The following CYP19A1 variants were observed in gnomAD, a reference collection of about 807,000 sequenced individuals.
CYP19A1 encodes cytochrome P450 family 19 subfamily A member 1.
Under a neutral mutation model 44.4 loss-of-function variants are expected in CYP19A1, and 32 were observed. That is an observed-to-expected ratio of 0.72 (90% CI 0.54 to 0.97). CYP19A1 has a LOEUF of 0.97. Ranked by LOEUF, CYP19A1 falls within the 50% of genes least tolerant of loss-of-function variation. The probability of loss-of-function intolerance (pLI) is 0.00; values close to 1 mark genes in which losing one functional copy is unlikely to be tolerated. For synonymous variants in CYP19A1, 212 were observed against 215.6 expected, an observed-to-expected ratio of 0.98 and a Z score of 0.14; for missense variants, 598 against 637.8, an observed-to-expected ratio of 0.94 and a Z score of 0.67.
chr15:51,302,892 T>C (rs192016174), intron 1 of CYP19A1, among the ~76,000 whole-genome samples: 1 of 152,316 alleles, frequency 6.6e-6, no homozygotes, highest in East Asian at 1.9e-4. Flanking sequence ...GTCTGATTCA[T>C]CTCTGGGTCC....
intron 1 of CYP19A1, among the ~76,000 whole-genome samples, chr15:51,260,352 C>T (rs1007646315): frequency 5.3e-5 from 8 of 152,202 alleles, no homozygotes; most frequent in Admixed American, 3.3e-4. Context: ...TAACCCACAG[C>T]ATATCTGAGG....
At chr15:51,267,527 T>A (rs924632399) in intron 1 of CYP19A1, among the ~76,000 whole-genome samples, 8 of 152,138 alleles carry the variant, frequency 5.3e-5, no homozygotes, top group African/African-American at 1.9e-4. Context: ...CGCCGAGGTC[T>A]GCGCCGCCCC....
At chr15:51,326,857 CTG>C (rs2036616215) in intron 1 of CYP19A1, among the ~76,000 whole-genome samples, 2 of 152,292 alleles carry the variant, frequency 1.3e-5, no homozygotes, top group South Asian at 2.1e-4. Context: ...AAACACATCA[CTG>C]TGTAATTCCT....
chr15:51,324,720 G>A (rs1308493992), intron 1 of CYP19A1, among the ~76,000 whole-genome samples: 2 of 152,234 alleles, frequency 1.3e-5, no homozygotes, highest in African/African-American at 2.4e-5. Context: ...AAAAGCAATG[G>A]AAGATGCAAA....
At chr15:51,258,884 A>G (rs150891287) in intron 1 of CYP19A1, among the ~76,000 whole-genome samples, 2 of 152,224 alleles carry the variant, frequency 1.3e-5, no homozygotes, top group Non-Finnish European at 1.5e-5. Context: ...AGCCAGCAAT[A>G]CCCAAGGAAC....
chr15:51,301,778 C>A (rs191852128), intron 1 of CYP19A1, among the ~76,000 whole-genome samples: 1 of 152,094 alleles, frequency 6.6e-6, no homozygotes. Context: ...TTAGAATCCT[C>A]GGAAAATACT....
chr15:51,265,015 A>G (rs759397424), intron 1 of CYP19A1, among the ~76,000 whole-genome samples: 1 of 152,232 alleles, frequency 6.6e-6, no homozygotes, highest in African/African-American at 2.4e-5. Flanking sequence ...GTAATCAGAC[A>G]TTTGAGCCAA....
chr15:51,239,745 G>C (rs142958724), intron 2 of CYP19A1, among the ~76,000 whole-genome samples: 1 of 152,172 alleles, frequency 6.6e-6, no homozygotes, highest in African/African-American at 2.4e-5. Flanking sequence ...TGGAACAAGG[G>C]TAACATCCGC....
chr15:51,211,059 A>G lies in CYP19A1; in HGVS notation c.1264-3T>C, dbSNP rs1258014833. On this transcript the variant is annotated splice_region_variant and splice_polypyrimidine_tract_variant and intron_variant, in intron 9 of 9. Coordinates refer to ENST00000396402, the MANE Select transcript of CYP19A1 (RefSeq NM_000103.4). Reference sequence around the variant, plus strand: ...GGCTGAAAGTACCTATAAGGAACCTATGAAAATGATCAGACAGTTAGCCAG... The same window carrying G: ...GGCTGAAAGTACCTATAAGGAACCTGTGAAAATGATCAGACAGTTAGCCAG... 1.3e-6 allele frequency: 2 copies of G among 1,573,694 alleles called. No homozygotes were observed. The highest frequency in any genetic ancestry group is 2.2e-5 in the East Asian group (1 of 44,656).
At chr15:51,299,489 G>A (rs921480695) in intron 1 of CYP19A1, among the ~76,000 whole-genome samples, 1 of 152,118 alleles carries the variant, frequency 6.6e-6, no homozygotes, top group African/African-American at 2.4e-5. Flanking sequence ...TGTTTCCAGC[G>A]TGGCCTTTGG....
chr15:51,224,691 G>T (rs1291965025), intron 4 of CYP19A1, among the ~76,000 whole-genome samples: 1 of 152,166 alleles, frequency 6.6e-6, no homozygotes, highest in Non-Finnish European at 1.5e-5. Context: ...TGCTACCAGA[G>T]GGATTTTTAT....
Position 51,212,522 on chromosome 15 carries a change from T to G in CYP19A1, c.1061A>C (p.Lys354Thr). 6.5e-7 allele frequency: 1 copy of G among 1,540,848 alleles called. No homozygotes were observed. The highest frequency in any genetic ancestry group is 9.0e-7 in the Non-Finnish European group (1 of 1,113,174). Residue 354 changes from lysine (K) to threonine (T), a missense_variant, in exon 9 of 10, where the codon AAA becomes ACA. Lys to Thr is a moderately conservative substitution (Grantham distance 78). Transcript: ENST00000396402. ...DIKIDDIQKL[K>T]VMENFIYESM... ...CTCATAAATGAAGTTTTCCATCACT[T>G]TTAATTTTTGTATATCATCAATCTT...
intron 1 of CYP19A1, among the ~76,000 whole-genome samples, chr15:51,295,190 G>C (rs918122227): frequency 7.0e-6 from 1 of 143,752 alleles, no homozygotes; most frequent in Non-Finnish European, 1.5e-5. Context: ...ATATACAATA[G>C]AATTTTTTGT....
At chr15:51,218,800 TA>T (rs2031818842) in intron 5 of CYP19A1, 145 bp from the exon 6 acceptor site, 2 of 1,456,032 alleles carry the variant, frequency 1.4e-6, no homozygotes, top group African/African-American at 2.8e-5. Context: ...CCATCTTCAG[TA>T]GGAGTTTTAG....
intron 4 of CYP19A1, among the ~76,000 whole-genome samples, chr15:51,225,084 C>T (rs1035931872): frequency 1.3e-4 from 20 of 152,112 alleles, no homozygotes; most frequent in African/African-American, 4.1e-4. Context: ...CTGGGCACAC[C>T]GCCAGCATTA....
chr15:51,291,404 G>A (rs1430131288), intron 1 of CYP19A1, among the ~76,000 whole-genome samples: 2 of 152,056 alleles, frequency 1.3e-5, no homozygotes, highest in Non-Finnish European at 2.9e-5. Context: ...CACTAGAGAG[G>A]GGAAATGTTC....
chr15:51,277,072 AAG>A (rs761899745), intron 1 of CYP19A1: 5 of 152,118 alleles, frequency 3.3e-5, no homozygotes, highest in Non-Finnish European at 7.4e-5. Context: ...AAGAAAGAAA[AAG>A]AGAGAAAGTG....
intron 1 of CYP19A1, among the ~76,000 whole-genome samples, chr15:51,322,601 A>G (rs1274787176): frequency 6.6e-6 from 1 of 152,158 alleles, no homozygotes; most frequent in Non-Finnish European, 1.5e-5. Flanking sequence ...CAGTCATCAC[A>G]TTCTTAACTT....
At chr15:51,303,527 A>C (rs781403629) in intron 1 of CYP19A1, among the ~76,000 whole-genome samples, 6 of 152,108 alleles carry the variant, frequency 3.9e-5, no homozygotes, top group Admixed American at 6.5e-5. Flanking sequence ...AAGTGCTTAG[A>C]GATGCCAAGT....
Sources: gnomAD v4.1 joint callset for allele counts (sites outside exome capture counted in the v4.1 genomes callset) on GRCh38, gnomAD v4.1.1 for gene constraint, MANE v1.5 for transcripts, NCBI Gene and HGNC (gene_info 2026-07-23, HGNC 2026-07-21) for gene names.